PIK3AP1: variants seen among roughly 807,000 people sequenced by gnomAD.
The protein encoded by PIK3AP1 is phosphoinositide-3-kinase adaptor protein 1.
In PIK3AP1, 21 loss-of-function variants were observed where a neutral mutation model predicts 88.1. The observed-to-expected ratio is 0.24, with a 90% confidence interval of 0.17 to 0.34. PIK3AP1 has a LOEUF of 0.34. Ranked by LOEUF, PIK3AP1 falls within the 10% of genes least tolerant of loss-of-function variation. The pLI, the probability that PIK3AP1 is intolerant of heterozygous loss-of-function variation, is 1.00. For missense variants in PIK3AP1, 828 were observed against 1,035.7 expected (o/e 0.80, Z 2.75); for synonymous variants, 398 against 400.0 (o/e 1.00, Z 0.06).
At chr10:96,673,032 A>G (rs114771023) in intron 2 of PIK3AP1, among the ~76,000 whole-genome samples, 1 of 152,240 alleles carries the variant, frequency 6.6e-6, no homozygotes, top group African/African-American at 2.4e-5. Flanking sequence ...TGGTAGAACC[A>G]CATGCAGAAT....
At chr10:96,634,933 CG>C (rs1417988459) in intron 8 of PIK3AP1, among the ~76,000 whole-genome samples, 1 of 152,130 alleles carries the variant, frequency 6.6e-6, no homozygotes, top group Non-Finnish European at 1.5e-5. Context: ...AGCACTAGGC[CG>C]TCTTCTGCCA....
intron 2 of PIK3AP1, among the ~76,000 whole-genome samples, chr10:96,704,340 C>A (rs1340848469): frequency 6.6e-6 from 1 of 152,178 alleles, no homozygotes; most frequent in African/African-American, 2.4e-5. Context: ...ATTGACCTGA[C>A]AACAGAAAGG....
chr10:96,697,116 A>C (rs2134279480), intron 2 of PIK3AP1, among the ~76,000 whole-genome samples: 1 of 152,306 alleles, frequency 6.6e-6, no homozygotes, highest in African/African-American at 2.4e-5. Flanking sequence ...TGATTGTCAT[A>C]AAGATTGTAG....
At chr10:96,700,550 A>T (rs181698898) in intron 2 of PIK3AP1, among the ~76,000 whole-genome samples, 11 of 152,302 alleles carry the variant, frequency 7.2e-5, no homozygotes, top group Admixed American at 5.9e-4. Flanking sequence ...TTCTTCCCCA[A>T]ATCAAAAAGA....
At chr10:96,638,720 G>A (rs914414646) in intron 8 of PIK3AP1, among the ~76,000 whole-genome samples, 6 of 152,174 alleles carry the variant, frequency 3.9e-5, no homozygotes, top group South Asian at 4.1e-4. Context: ...AGTCGCACGC[G>A]GTAGCCCACC....
intron 13 of PIK3AP1, among the ~76,000 whole-genome samples, chr10:96,613,746 A>C (rs1370626753): frequency 6.6e-6 from 1 of 152,158 alleles, no homozygotes; most frequent in Non-Finnish European, 1.5e-5. Flanking sequence ...CTTGTGATTC[A>C]TTCTGGATGG....
At chr10:96,636,963 A>C (rs1320343030) in intron 8 of PIK3AP1, among the ~76,000 whole-genome samples, 2 of 152,188 alleles carry the variant, frequency 1.3e-5, no homozygotes, top group African/African-American at 4.8e-5. Context: ...TGCAGTGGAA[A>C]CTCCATCCAG....
intron 2 of PIK3AP1, among the ~76,000 whole-genome samples, chr10:96,664,026 A>G (rs1249178524): frequency 6.6e-6 from 1 of 152,212 alleles, no homozygotes; most frequent in African/African-American, 2.4e-5. Context: ...TCTTTCTGGA[A>G]AGCCATGTGT....
intron 3 of PIK3AP1, 59 bp downstream of exon 3, chr10:96,656,739 C>A: frequency 6.3e-7 from 1 of 1,596,954 alleles, no homozygotes; most frequent in African/African-American, 1.3e-5. Flanking sequence ...GCAACAAATG[C>A]ATGCATTTGA....
chr10:96,595,222 T>C lies in PIK3AP1; in HGVS notation c.*355A>G, dbSNP rs982482097. 7.6e-6 allele frequency: 2 copies of C among 264,724 alleles called. No individual in the cohort carries two copies. Among genetic ancestry groups the C allele is most frequent in the African/African-American group, 4.5e-5 (2 of 44,416 alleles). 16.4% of individuals were successfully genotyped at this position (264,724 alleles called of 1,614,324 possible). A position where few individuals can be genotyped will look rare whatever the true frequency, so the allele number is the denominator to read the frequency against. On this transcript the variant is annotated 3_prime_UTR_variant, in exon 17 of 17. Coordinates refer to ENST00000339364, the MANE Select transcript of PIK3AP1 (RefSeq NM_152309.3). ...GAACTAGCAAATACATAAAGACTAATATAAGTGCATTTCAGTAAAATCACT... is the reference window on the plus strand; with the variant it reads ...GAACTAGCAAATACATAAAGACTAACATAAGTGCATTTCAGTAAAATCACT...
chr10:96,612,968 A>G (rs1849142903), intron 13 of PIK3AP1, among the ~76,000 whole-genome samples: 2 of 108,172 alleles, frequency 1.8e-5, no homozygotes, highest in Admixed American at 1.1e-4. Flanking sequence ...ATATATATAT[A>G]TATATATATA....
intron 7 of PIK3AP1, 135 bp from the exon 8 acceptor site, chr10:96,645,797 G>T: frequency 1.4e-6 from 1 of 708,614 alleles, no homozygotes; most frequent in Non-Finnish European, 2.3e-6. Flanking sequence ...GTGTGTATTT[G>T]TATTTTCCCA....
In PIK3AP1 at chr10:96,697,178, G is replaced by A. The variant is rs560939521; in HGVS notation, c.430+12389C>T. The stretch of plus-strand genomic sequence containing the variant: ...TTGACAAGAGTCAAAATATGACTCC[G>A]TGATAAGTAGCTGTTCTCTCGTTAT... On this transcript the variant is annotated intron_variant, in intron 2 of 16. Coordinates refer to ENST00000339364, the MANE Select transcript of PIK3AP1 (RefSeq NM_152309.3). Among the ~76,000 whole-genome samples the A allele has an allele frequency of 1.7e-4, 26 of 152,268 alleles. No homozygotes were observed. In the South Asian group the frequency reaches 3.1e-3, roughly 18 times the overall value.
At chr10:96,653,346 A>C (rs1843568152) in intron 3 of PIK3AP1, among the ~76,000 whole-genome samples, 1 of 147,846 alleles carries the variant, frequency 6.8e-6, no homozygotes, top group Non-Finnish European at 1.5e-5. Flanking sequence ...CAGAGGTTGC[A>C]GTGAACCAAG....
At chr10:96,597,982 C>T (rs1337133910) in intron 16 of PIK3AP1, among the ~76,000 whole-genome samples, 2 of 151,546 alleles carry the variant, frequency 1.3e-5, no homozygotes, top group Non-Finnish European at 2.9e-5. Flanking sequence ...AGCTACATCT[C>T]AAGGAAACTT....
At chr10:96,598,042 TTG>T (rs1848810720) in intron 16 of PIK3AP1, among the ~76,000 whole-genome samples, 8 of 107,270 alleles carry the variant, frequency 7.5e-5, no homozygotes, top group Admixed American at 2.1e-4. Context: ...TGTTTTTTTG[TTG>T]TTTTTTTTTT....
chr10:96,677,121 C>T (rs487302), intron 2 of PIK3AP1, among the ~76,000 whole-genome samples: 8,539 of 152,240 alleles, frequency 0.056, 291 homozygotes, highest in African/African-American at 0.092. Context: ...GCTGAGCCCA[C>T]CTGATGCCAG....
At chr10:96,629,930 A>AAAAAAATAAGAAG (rs776780994) in intron 8 of PIK3AP1, among the ~76,000 whole-genome samples, 3 of 13,726 alleles carry the variant, frequency 2.2e-4, no homozygotes, top group Non-Finnish European at 3.3e-4. Context: ...AAAAAAAAAA[A>AAAAAAATAAGAAG]AAGAAGAAGA....
rs1035463505 is a variant in PIK3AP1 at position 96,634,193 on chromosome 10, G to C, written c.1376-5700C>G. 2.0e-5 allele frequency among the ~76,000 whole-genome samples: 3 copies of C among 152,210 alleles called. No homozygotes were observed. In the East Asian group the frequency reaches 5.8e-4, roughly 29 times the overall value. On this transcript the variant is annotated intron_variant, in intron 8 of 16. Coordinates refer to ENST00000339364, the MANE Select transcript of PIK3AP1 (RefSeq NM_152309.3). ...TAGCGAGAGGCCAACCTTCAGGACA[G>C]AGCCTAAAGCCAGACGATCCGAGGC... is the stretch of plus-strand genomic sequence containing the variant.
Sources: gnomAD v4.1 joint callset for allele counts (sites outside exome capture counted in the v4.1 genomes callset) on GRCh38, gnomAD v4.1.1 for gene constraint, MANE v1.5 for transcripts, NCBI Gene and HGNC (gene_info 2026-07-23, HGNC 2026-07-21) for gene names.